CABLES1: variants seen among roughly 807,000 people sequenced by gnomAD.
The protein encoded by CABLES1 is Cdk5 and Abl enzyme substrate 1.
In CABLES1, 36 loss-of-function variants were observed where a neutral mutation model predicts 57.8. The ratio of observed to expected loss-of-function variants is 0.62; its 90% CI spans 0.48 to 0.82. The LOEUF (loss-of-function observed/expected upper bound fraction) is 0.82. Among genes scored for constraint, CABLES1 ranks in the 40% least tolerant of loss-of-function variants. The pLI is 0.00. For missense variants in CABLES1, 767 were observed against 836.6 expected (o/e 0.92, Z 1.03); for synonymous variants, 374 against 363.0 (o/e 1.03, Z -0.35).
intron 7 of CABLES1, among the ~76,000 whole-genome samples, chr18:23,249,286 C>T (rs1446633378): frequency 6.6e-6 from 1 of 152,164 alleles, no homozygotes; most frequent in African/African-American, 2.4e-5. Flanking sequence ...CAGGGCATCC[C>T]AGGAGGAGGT....
At chr18:23,163,045 A>G (rs1330080851) in intron 1 of CABLES1, among the ~76,000 whole-genome samples, 1 of 152,170 alleles carries the variant, frequency 6.6e-6, no homozygotes, top group East Asian at 1.9e-4. Context: ...TATTTCAGAA[A>G]TAGACAACAG....
intron 1 of CABLES1, among the ~76,000 whole-genome samples, chr18:23,172,058 C>G (rs527427642): frequency 2.6e-5 from 4 of 152,296 alleles, no homozygotes; most frequent in African/African-American, 9.6e-5. Context: ...GTTGCTGGGA[C>G]TACAGGCATG....
At chr18:23,228,764 A>T (rs1311833208) in intron 4 of CABLES1, among the ~76,000 whole-genome samples, 1 of 151,392 alleles carries the variant, frequency 6.6e-6, no homozygotes, top group Non-Finnish European at 1.5e-5. Context: ...AAAAAAAAAA[A>T]AGTATATATC....
intron 4 of CABLES1, among the ~76,000 whole-genome samples, chr18:23,217,279 C>T (rs766404218): frequency 2.0e-5 from 3 of 152,052 alleles, no homozygotes; most frequent in Non-Finnish European, 2.9e-5. Context: ...GATGAGATCT[C>T]GCCATGTTGC....
At chr18:23,203,126 G>T (rs1025183662) in intron 3 of CABLES1, among the ~76,000 whole-genome samples, 1 of 152,142 alleles carries the variant, frequency 6.6e-6, no homozygotes, top group Non-Finnish European at 1.5e-5. Flanking sequence ...CTTGAAGAGC[G>T]ACAGAGCCCT....
rs763239686 is a variant in CABLES1, at chr18:23,193,194, C to CTTT, written c.918-1242_918-1240dup. Reference sequence around the variant, plus strand: ...TCTGCAAGCCTTTAAAAGAATCTTTCTTTTTTTTTTTTTTCCAGACTGTGT... The same window carrying CTTT: ...TCTGCAAGCCTTTAAAAGAATCTTTCTTTTTTTTTTTTTTTTTCCAGACTGTGT... On this transcript the variant is annotated intron_variant, in intron 2 of 9. Coordinates refer to ENST00000256925, the MANE Select transcript of CABLES1 (RefSeq NM_001100619.3). Among the ~76,000 whole-genome samples the CTTT allele has an allele frequency of 4.2e-5, 6 of 142,304 alleles. 1 individual carries two copies. Among genetic ancestry groups the CTTT allele is most frequent in the African/African-American group, 1.0e-4 (4 of 38,264 alleles). 93.4% of individuals were successfully genotyped at this position (142,304 alleles called of 152,430 possible).
intron 1 of CABLES1, among the ~76,000 whole-genome samples, chr18:23,177,837 T>C (rs1598813439): frequency 6.6e-6 from 1 of 152,266 alleles, no homozygotes; most frequent in East Asian, 1.9e-4. Context: ...CCTCCAGGTG[T>C]GGACACACTC....
intron 7 of CABLES1, among the ~76,000 whole-genome samples, chr18:23,246,362 C>T (rs976746546): frequency 6.6e-6 from 1 of 151,684 alleles, no homozygotes; most frequent in Non-Finnish European, 1.5e-5. Flanking sequence ...GTAGCATGCA[C>T]TGGCAAAACC....
chr18:23,208,612 C>G (rs1247468512), intron 3 of CABLES1, among the ~76,000 whole-genome samples: 1 of 152,214 alleles, frequency 6.6e-6, no homozygotes, highest in Admixed American at 6.5e-5. Context: ...GTGCACAGCA[C>G]TCATAGTGTG....
At chr18:23,218,797 T>C (rs72874993) in intron 4 of CABLES1, among the ~76,000 whole-genome samples, 34,733 of 152,078 alleles carry the variant, frequency 0.23, 4,085 homozygotes, top group South Asian at 0.26. Context: ...CTTTCTATAA[T>C]ACTACCTATT....
chr18:23,201,758 C>A (rs1335270453), intron 3 of CABLES1, among the ~76,000 whole-genome samples: 2 of 152,254 alleles, frequency 1.3e-5, no homozygotes, highest in Non-Finnish European at 1.5e-5. Flanking sequence ...AGGTTACATC[C>A]CAATAGGGAG....
intron 1 of CABLES1, among the ~76,000 whole-genome samples, chr18:23,138,224 C>T (rs2046835519): frequency 6.6e-6 from 1 of 152,198 alleles, no homozygotes; most frequent in Admixed American, 6.5e-5. Context: ...ACCTCGCACG[C>T]TTTCTCCAAG....
intron 1 of CABLES1, among the ~76,000 whole-genome samples, chr18:23,162,897 C>T (rs1052055248): frequency 6.6e-6 from 1 of 152,258 alleles, no homozygotes; most frequent in Non-Finnish European, 1.5e-5. Flanking sequence ...GTTTGTATTT[C>T]GTAGTTCAAT....
intron 1 of CABLES1, among the ~76,000 whole-genome samples, chr18:23,185,636 T>C (rs1272435308): frequency 2.0e-5 from 3 of 152,126 alleles, no homozygotes; most frequent in Non-Finnish European, 4.4e-5. Flanking sequence ...GAGGGCAGCC[T>C]TCAGCCCTTC....
intron 1 of CABLES1, chr18:23,155,782 T>A: frequency 6.6e-7 from 1 of 1,520,470 alleles, no homozygotes; most frequent in Non-Finnish European, 8.8e-7. Context: ...GCTTTTCATT[T>A]TGAGTCTTAG....
At chr18:23,202,894 G>A (rs2145038113) in intron 3 of CABLES1, among the ~76,000 whole-genome samples, 2 of 151,954 alleles carry the variant, frequency 1.3e-5, no homozygotes, top group Middle Eastern at 6.8e-3. Flanking sequence ...GGCTGAGGCA[G>A]GAGAATGGCG....
At chr18:23,136,714 C>A in intron 1 of CABLES1, 107 bp downstream of exon 1, 2 of 715,496 alleles carry the variant, frequency 2.8e-6, no homozygotes, top group Non-Finnish European at 4.0e-6. Flanking sequence ...CATTTTCCCG[C>A]GCCCTGCCGG....
chr18:23,253,500 A>T (rs2048090220), intron 8 of CABLES1, among the ~76,000 whole-genome samples: 1 of 152,244 alleles, frequency 6.6e-6, no homozygotes. Context: ...AAACAAAAAA[A>T]GTAAACATGT....
At position 23,243,757 on chromosome 18, in the gene CABLES1, A is replaced by C. The variant is rs188740508; in HGVS notation, c.1446+6512A>C. Among the ~76,000 whole-genome samples, 1,152 of 151,416 alleles carry C rather than the reference A, an allele frequency of 7.6e-3. 11 individuals carry two copies. Among genetic ancestry groups the C allele is most frequent in the African/African-American group, 0.027 (1,098 of 41,312 alleles). ...TGTGGTGGCAGGTGCCTGTAATCCC[A>C]GTTACTCAGGAGGCTGAGGCAGGAG... On this transcript the variant is annotated intron_variant, in intron 7 of 9. Coordinates refer to ENST00000256925, the MANE Select transcript of CABLES1 (RefSeq NM_001100619.3).
Sources: allele counts gnomAD v4.1 joint callset (sites outside exome capture counted in the v4.1 genomes callset), GRCh38; gene constraint gnomAD v4.1.1; transcripts MANE v1.5; gene names NCBI Gene and HGNC (gene_info 2026-07-23, HGNC 2026-07-21).